LRRCC1: variants seen among roughly 807,000 people sequenced by gnomAD.
The protein encoded by LRRCC1 is leucine-rich repeat and coiled-coil domain-containing protein 1.
Under a neutral mutation model 126.0 loss-of-function variants are expected in LRRCC1, and 115 were observed. The observed-to-expected ratio is 0.91, with a 90% CI of 0.78 to 1.07. The LOEUF is 1.07. LRRCC1 is among the 50% of genes least tolerant of loss of function. The probability of loss-of-function intolerance (pLI) is 0.00; values close to 1 mark genes in which losing one functional copy is unlikely to be tolerated. For synonymous variants in LRRCC1, 400 were observed against 393.4 expected, an observed-to-expected ratio of 1.02 and a Z score of -0.20; for missense variants, 1,172 against 1,175.7, an observed-to-expected ratio of 1.00 and a Z score of 0.05.
chr8:85,137,993 T>C (rs1810989775), intron 15 of LRRCC1, 42 bp from the exon 16 acceptor site: 1 of 994,182 alleles, frequency 1.0e-6, no homozygotes. Context: ...ATATGAAGCA[T>C]TTAAAGTTAA....
rs1421715631 is a variant in LRRCC1 at position 85,109,709 on chromosome 8, A to G, written c.219A>G (p.Ser73=). ...HIWNLQHLDL[S]SNQISRIEGL... is the part of the protein sequence containing the mutation. ...GGAATTTACAACATCTAGATCTGTC[A>G]TCTAATCAAATAAGTAGAATTGAAG... Residue 73 remains serine (S), a synonymous_variant, in exon 2 of 19, where the codon TCA becomes TCG. Transcript: ENST00000360375. 15 of 1,601,730 alleles carry G rather than the reference A, an allele frequency of 9.4e-6. No individual in the cohort carries two copies. Among genetic ancestry groups the G allele is most frequent in the Non-Finnish European group, 1.3e-5 (15 of 1,169,188 alleles).
At chr8:85,142,922 A>T (rs372302686) in intron 18 of LRRCC1, among the ~76,000 whole-genome samples, 2 of 152,186 alleles carry the variant, frequency 1.3e-5, no homozygotes, top group African/African-American at 4.8e-5. Context: ...GCAAAGAAAA[A>T]GAGGGAGTGA....
At position 85,134,841 on chromosome 8, in the gene LRRCC1, A is replaced by T. The variant is rs1810735917; in HGVS notation, c.1969-6A>T. The T allele has an allele frequency of 3.2e-6, 5 of 1,552,376 alleles. No homozygotes were observed. The highest frequency in any genetic ancestry group is 1.4e-5 in the African/African-American group (1 of 70,936). ...CTGCTATTTATAATACAATTTTGGA[A>T]TATAGGTTAAAGATGGTTTTGAAAA... On this transcript the variant is annotated splice_region_variant and splice_polypyrimidine_tract_variant and intron_variant, in intron 12 of 18. Coordinates refer to ENST00000360375, the MANE Select transcript of LRRCC1 (RefSeq NM_033402.5).
At chr8:85,141,795 T>C (rs1811270266) in intron 18 of LRRCC1, among the ~76,000 whole-genome samples, 1 of 152,200 alleles carries the variant, frequency 6.6e-6, no homozygotes, top group Non-Finnish European at 1.5e-5. Context: ...CTAACTAATC[T>C]TGGATAGGAG....
In LRRCC1 at chr8:85,115,291, T is replaced by G. The variant is rs1178079530; in HGVS notation, c.720+16T>G. ...TGAAGATGAGGTATAGTATTTACTT[T>G]TTTTTTCCTAATATAAAAAATACCT... On this transcript the variant is annotated intron_variant, in intron 5 of 18. Transcript: ENST00000360375. 3 of 1,573,402 alleles carry G rather than the reference T, an allele frequency of 1.9e-6. No homozygotes were observed. Among genetic ancestry groups the G allele is most frequent in the Non-Finnish European group, 2.6e-6 (3 of 1,158,950 alleles).
At chr8:85,115,033 G>A in intron 4 of LRRCC1, 67 bp from the exon 5 acceptor site, 2 of 1,288,822 alleles carry the variant, frequency 1.6e-6, no homozygotes, top group Non-Finnish European at 2.1e-6. Context: ...GATAAATTTA[G>A]TTTATTCTAG....
chr8:85,130,887 G>A (rs777746657), intron 11 of LRRCC1, among the ~76,000 whole-genome samples: 5 of 152,168 alleles, frequency 3.3e-5, no homozygotes, highest in South Asian at 2.1e-4. Context: ...CAATAAAAGT[G>A]TATTTACAAA....
At position 85,109,775 on chromosome 8, in the gene LRRCC1, C is replaced by T. The variant is rs2135911134; in HGVS notation, c.285C>T (p.Ser95=). ...TLTKLCTLNL[S]CNLITKVEGL... is the part of the protein sequence containing the mutation. ...CAAAACTGTGCACATTAAATTTGTC[C>T]TGCAATTTGATTACAAAAGTAGAAG... The change falls in exon 2 of 19, where the codon TCC becomes TCT. Residue 95 remains serine, a synonymous_variant. Transcript: ENST00000360375. 1 of 1,575,074 alleles carries T rather than the reference C, an allele frequency of 6.3e-7. No individual in the cohort carries two copies. The highest frequency in any genetic ancestry group is 1.2e-5 in the South Asian group (1 of 85,572).
chr8:85,132,733 G>A (rs1483316236), intron 12 of LRRCC1, among the ~76,000 whole-genome samples: 1 of 152,158 alleles, frequency 6.6e-6, no homozygotes, highest in Non-Finnish European at 1.5e-5. Flanking sequence ...GGCCTGGCCT[G>A]TATAGCCTAA....
intron 9 of LRRCC1, among the ~76,000 whole-genome samples, chr8:85,127,698 C>CTGA (rs893922371): frequency 2.0e-5 from 3 of 152,176 alleles, no homozygotes; most frequent in Admixed American, 6.5e-5. Context: ...GCATGTTTCT[C>CTGA]TGATAGGTTG....
In LRRCC1 at chr8:85,129,970, A is replaced by G. The variant is rs201405240; in HGVS notation, c.1678A>G (p.Ile560Val). 1.9e-4 allele frequency: 305 copies of G among 1,601,578 alleles called. No homozygotes were observed. The highest frequency in any genetic ancestry group is 2.5e-4 in the Non-Finnish European group (294 of 1,175,678). Residue 560 changes from isoleucine (I) to valine (V), a missense_variant, in exon 11 of 19, where the codon ATA becomes GTA. Coordinates refer to ENST00000360375, the MANE Select transcript of LRRCC1 (RefSeq NM_033402.5). ...ELKASAADRE[I>V]YLLRTSLHRE... Reference sequence around the variant, plus strand: ...CAAAGCTTCAGCTGCCGATAGAGAAATATACTTACTTAGAACTTCCCTTCA... The same window carrying G: ...CAAAGCTTCAGCTGCCGATAGAGAAGTATACTTACTTAGAACTTCCCTTCA...
intron 4 of LRRCC1, 54 bp from the exon 5 acceptor site, chr8:85,115,046 A>G: frequency 1.4e-6 from 2 of 1,384,768 alleles, no homozygotes; most frequent in Non-Finnish European, 2.0e-6. Flanking sequence ...TATTCTAGAA[A>G]TAATTGACTT....
In LRRCC1 at chr8:85,115,228, G is replaced by A. The variant is rs965832191; in HGVS notation, c.673G>A (p.Asp225Asn). 1.2e-6 allele frequency: 2 copies of A among 1,611,712 alleles called. No homozygotes were observed. Among genetic ancestry groups the A allele is most frequent in the African/African-American group, 2.7e-5 (2 of 74,708 alleles). The change falls in exon 5 of 19, where the codon GAT becomes AAT. Residue 225 changes from aspartate (D) to asparagine (N), a missense_variant. Coordinates refer to ENST00000360375, the MANE Select transcript of LRRCC1 (RefSeq NM_033402.5). ...GCTGCAGTGCCTAGAAGGTCTTTTG[G>A]ATAATTTAGTTTCTTCTGATTCTCC... ...SQLQCLEGLL[D>N]NLVSSDSPLN...
chr8:85,138,907 G>A (rs529303610), intron 17 of LRRCC1, among the ~76,000 whole-genome samples: 4 of 152,148 alleles, frequency 2.6e-5, no homozygotes, highest in South Asian at 4.1e-4. Flanking sequence ...TTAGCCAGGC[G>A]TGGTGGCAAG....
At chr8:85,131,519 A>T (rs775854294) in intron 11 of LRRCC1, among the ~76,000 whole-genome samples, 4 of 152,214 alleles carry the variant, frequency 2.6e-5, no homozygotes, top group Non-Finnish European at 5.9e-5. Context: ...AATGATTCTG[A>T]ACTATCTCAT....
intron 6 of LRRCC1, among the ~76,000 whole-genome samples, chr8:85,117,640 G>A (rs1809226173): frequency 6.6e-6 from 1 of 152,070 alleles, no homozygotes; most frequent in African/African-American, 2.4e-5. Context: ...GTGAAAAGCT[G>A]TTTTGCCTTT....
At chr8:85,145,112 T>G (rs1811576405) in intron 18 of LRRCC1, among the ~76,000 whole-genome samples, 1 of 79,774 alleles carries the variant, frequency 1.3e-5, no homozygotes, top group Admixed American at 1.1e-4. Context: ...TATAAATATA[T>G]GTGTGTATAT....
At chr8:85,144,092 G>A (rs1293416216) in intron 18 of LRRCC1, among the ~76,000 whole-genome samples, 1 of 152,114 alleles carries the variant, frequency 6.6e-6, no homozygotes, top group Non-Finnish European at 1.5e-5. Flanking sequence ...GCAACTCCTA[G>A]GAGAATGTAG....
intron 18 of LRRCC1, among the ~76,000 whole-genome samples, chr8:85,143,875 G>T (rs1811436461): frequency 6.6e-6 from 1 of 152,054 alleles, no homozygotes; most frequent in Non-Finnish European, 1.5e-5. Context: ...AGGTTTGCAG[G>T]CAGGGGATTA....
Sources: gnomAD v4.1 joint callset for allele counts (sites outside exome capture counted in the v4.1 genomes callset) on GRCh38, gnomAD v4.1.1 for gene constraint, MANE v1.5 for transcripts, NCBI Gene and HGNC (gene_info 2026-07-23, HGNC 2026-07-21) for gene names.